Variants in PDSS2 observed in about 807,000 individuals in gnomAD.
PDSS2 encodes decaprenyl diphosphate synthase subunit 2.
PDSS2 carries 31 observed loss-of-function variants against 44.5 expected under a neutral mutation model. The observed-to-expected ratio is 0.70, with a 90% CI of 0.52 to 0.94. The LOEUF is 0.94. Ranked by LOEUF, PDSS2 falls within the 40% of genes least tolerant of loss-of-function variation. PDSS2 has a pLI of 0.00. For synonymous variants in PDSS2, 157 were observed against 180.3 expected (o/e 0.87, Z 1.03); for missense variants, 452 against 482.2 (o/e 0.94, Z 0.59).
intron 7 of PDSS2, chr6:107,192,446 G>A: frequency 2.1e-6 from 1 of 473,986 alleles, no homozygotes; most frequent in South Asian, 1.6e-5. Flanking sequence ...CCTTAACTGG[G>A]GAGAAAAGAC....
At chr6:107,192,274 AG>A in intron 7 of PDSS2, 1 of 417,170 alleles carries the variant, frequency 2.4e-6, no homozygotes, top group Non-Finnish European at 4.6e-6. Context: ...TTTTTCTTGA[AG>A]GAGGCAGATA....
At chr6:107,352,089 A>G (rs957957411) in intron 1 of PDSS2, among the ~76,000 whole-genome samples, 4 of 152,212 alleles carry the variant, frequency 2.6e-5, no homozygotes, top group Admixed American at 1.3e-4. Context: ...GTAAACCATC[A>G]TAAGAAAATT....
chr6:107,268,084 T>G (rs1266975206), intron 3 of PDSS2, among the ~76,000 whole-genome samples: 4 of 152,222 alleles, frequency 2.6e-5, no homozygotes, highest in Admixed American at 2.6e-4. Context: ...GAATGTTACT[T>G]GTCTCCTAGT....
intron 2 of PDSS2, among the ~76,000 whole-genome samples, chr6:107,296,323 A>C (rs1354902144): frequency 6.6e-6 from 1 of 152,208 alleles, no homozygotes; most frequent in African/African-American, 2.4e-5. Flanking sequence ...CTAAGGGAGT[A>C]AGGCATTTAT....
At chr6:107,430,804 C>T (rs1463594652) in intron 1 of PDSS2, among the ~76,000 whole-genome samples, 2 of 151,522 alleles carry the variant, frequency 1.3e-5, no homozygotes, top group East Asian at 1.9e-4. Flanking sequence ...AGAGAAACTC[C>T]GTCTCAGAAA....
At chr6:107,449,296 G>C (rs1781789772) in intron 1 of PDSS2, among the ~76,000 whole-genome samples, 1 of 151,892 alleles carries the variant, frequency 6.6e-6, no homozygotes, top group Non-Finnish European at 1.5e-5. Context: ...TAAAAAATTG[G>C]GTAAAATTTA....
intron 6 of PDSS2, among the ~76,000 whole-genome samples, chr6:107,203,007 T>C (rs956759671): frequency 1.3e-5 from 2 of 152,122 alleles, no homozygotes; most frequent in Admixed American, 1.3e-4. Flanking sequence ...TCTTGGAATC[T>C]GGAAGAAACA....
At chr6:107,247,183 T>C (rs1024977243) in intron 3 of PDSS2, among the ~76,000 whole-genome samples, 4 of 152,192 alleles carry the variant, frequency 2.6e-5, no homozygotes, top group African/African-American at 9.7e-5. Context: ...GGACACATAA[T>C]ACAGATCAAT....
intron 4 of PDSS2, among the ~76,000 whole-genome samples, chr6:107,219,913 A>AT (rs1773543528): frequency 6.6e-6 from 1 of 152,246 alleles, no homozygotes; most frequent in African/African-American, 2.4e-5. Flanking sequence ...ATATGGACAT[A>AT]TAATGACATG....
chr6:107,344,707 A>T (rs566576278), intron 1 of PDSS2, among the ~76,000 whole-genome samples: 5 of 152,286 alleles, frequency 3.3e-5, no homozygotes, highest in Non-Finnish European at 7.3e-5. Flanking sequence ...GGACTAAATC[A>T]AGCCAGGAAC....
chr6:107,413,852 G>A (rs772276536), intron 1 of PDSS2, among the ~76,000 whole-genome samples: 7 of 152,148 alleles, frequency 4.6e-5, no homozygotes, highest in African/African-American at 1.7e-4. Context: ...AAAGAGGATA[G>A]GTAGGTGAGG....
intron 6 of PDSS2, chr6:107,197,946 T>C: frequency 2.2e-6 from 1 of 459,614 alleles, no homozygotes; most frequent in Non-Finnish European, 4.6e-6. Context: ...GACTTAGGGG[T>C]GGAATTTTCC....
At chr6:107,302,005 G>A (rs1369289569) in intron 2 of PDSS2, among the ~76,000 whole-genome samples, 1 of 147,474 alleles carries the variant, frequency 6.8e-6, no homozygotes, top group African/African-American at 2.5e-5. Flanking sequence ...TAATAAAAAA[G>A]TTCTAAAATT....
intron 2 of PDSS2, among the ~76,000 whole-genome samples, chr6:107,299,078 T>C (rs1452287882): frequency 7.4e-6 from 1 of 136,022 alleles, no homozygotes; most frequent in Non-Finnish European, 1.5e-5. Flanking sequence ...GCCTGGGAGG[T>C]TGAAGCTGCA....
At chr6:107,426,896 C>T (rs1006745122) in intron 1 of PDSS2, among the ~76,000 whole-genome samples, 1 of 152,122 alleles carries the variant, frequency 6.6e-6, no homozygotes, top group African/African-American at 2.4e-5. Flanking sequence ...TTTGATTTTA[C>T]AGGTTCATAG....
intron 1 of PDSS2, among the ~76,000 whole-genome samples, chr6:107,337,756 T>C (rs1193843792): frequency 6.6e-6 from 1 of 152,204 alleles, no homozygotes; most frequent in Non-Finnish European, 1.5e-5. Flanking sequence ...TACTAGCATA[T>C]ATAATCTCCT....
At position 107,187,662 on chromosome 6, in the gene PDSS2, C is replaced by T. The variant is rs568067906; in HGVS notation, c.1041+6160G>A. On this transcript the variant is annotated intron_variant, in intron 7 of 7. Transcript: ENST00000369037. ...CTGGGCAACAAGAGTGAAACTCCAT[C>T]TCAAAAAAAAAAAAAAACCTCTTAA... Among the ~76,000 whole-genome samples the T allele has an allele frequency of 1.3e-4, 19 of 148,514 alleles. No individual in the cohort carries two copies. The South Asian group carries it at 4.1e-3, about 32-fold the overall frequency.
intron 7 of PDSS2, among the ~76,000 whole-genome samples, chr6:107,161,355 C>T (rs1261003231): frequency 6.6e-6 from 1 of 152,016 alleles, no homozygotes; most frequent in Non-Finnish European, 1.5e-5. Context: ...TGCCGGGCGC[C>T]TGTAGTCCCA....
chr6:107,223,568 T>C (rs1022370961), intron 4 of PDSS2, among the ~76,000 whole-genome samples: 1 of 150,320 alleles, frequency 6.7e-6, no homozygotes, highest in African/African-American at 2.5e-5. Flanking sequence ...AAAAACTAGT[T>C]GGGCATGATG....
Sources: allele counts gnomAD v4.1 joint callset (sites outside exome capture counted in the v4.1 genomes callset), GRCh38; gene constraint gnomAD v4.1.1; transcripts MANE v1.5; gene names NCBI Gene and HGNC (gene_info 2026-07-23, HGNC 2026-07-21).